The following ITFG1 variants were observed in gnomAD, a reference collection of about 807,000 sequenced individuals.
ITFG1 encodes the protein integrin alpha FG-GAP repeat containing 1, also known as T-cell immunomodulatory protein.
ITFG1 carries 34 observed loss-of-function variants against 81.8 expected under a neutral mutation model. The observed-to-expected ratio is 0.42, with a 90% CI of 0.32 to 0.55. ITFG1 has a LOEUF of 0.55. ITFG1 is among the 20% of genes least tolerant of loss of function. The probability of loss-of-function intolerance (pLI) is 0.17; values close to 1 mark genes in which losing one functional copy is unlikely to be tolerated. For synonymous variants in ITFG1, 285 were observed against 270.6 expected (o/e 1.05, Z -0.52); for missense variants, 672 against 755.4 (o/e 0.89, Z 1.29).
chr16:47,375,720 TCAGTA>T (rs1286363819), intron 7 of ITFG1, among the ~76,000 whole-genome samples, 151 bp downstream of exon 7: 1 of 152,244 alleles, frequency 6.6e-6, no homozygotes, highest in East Asian at 1.9e-4. Context: ...TCAGAAATAT[TCAGTA>T]GTTTGAATGC....
At chr16:47,435,994 C>A (rs763778138) in intron 5 of ITFG1, among the ~76,000 whole-genome samples, 6 of 151,998 alleles carry the variant, frequency 3.9e-5, no homozygotes, top group Admixed American at 6.6e-5. Flanking sequence ...CCCCCATCAT[C>A]CACAAAAGAA....
intron 13 of ITFG1, 146 bp from the exon 14 acceptor site, chr16:47,219,092 C>T (rs1427235979): frequency 2.4e-6 from 1 of 424,846 alleles, no homozygotes; most frequent in African/African-American, 2.0e-5. Context: ...CAAAAGAAAA[C>T]CTGTTGTTTC....
Position 47,311,170 on chromosome 16 carries a change from A to G in ITFG1, c.1070+70T>C, listed in dbSNP as rs1428938993. On this transcript the variant is annotated intron_variant, in intron 10 of 17. Transcript: ENST00000320640. ...ACATATTTAGGTACTATTCAGTTGC[A>G]AAGTACCATGGTTTGCAAATATTTC... 2.6e-6 allele frequency: 3 copies of G among 1,134,716 alleles called. No homozygotes were observed. In the African/African-American group the frequency reaches 4.7e-5, roughly 18 times the overall value. The allele number at this position is 1,134,716 out of a possible 1,614,324, so 70.3% of individuals were successfully genotyped here.
chr16:47,184,647 A>G (rs1467661906), intron 14 of ITFG1, among the ~76,000 whole-genome samples: 4 of 152,164 alleles, frequency 2.6e-5, no homozygotes, highest in Non-Finnish European at 5.9e-5. Context: ...ATGGAAAGGA[A>G]CAACTGGTAC....
At chr16:47,446,266 G>C (rs1469785342) in intron 5 of ITFG1, among the ~76,000 whole-genome samples, 1 of 152,168 alleles carries the variant, frequency 6.6e-6, no homozygotes, top group Non-Finnish European at 1.5e-5. Flanking sequence ...AGCATCACTA[G>C]AGAACAAAGT....
At chr16:47,345,682 T>G (rs978082339) in intron 8 of ITFG1, among the ~76,000 whole-genome samples, 1 of 152,240 alleles carries the variant, frequency 6.6e-6, no homozygotes, top group Admixed American at 6.5e-5. Context: ...GCCCACGGGC[T>G]GCAGGTTGGA....
intron 8 of ITFG1, among the ~76,000 whole-genome samples, chr16:47,352,694 C>T (rs1033708411): frequency 6.6e-6 from 1 of 152,110 alleles, no homozygotes; most frequent in Non-Finnish European, 1.5e-5. Context: ...TTGACCCAGC[C>T]GTCCCATTAC....
intron 8 of ITFG1, among the ~76,000 whole-genome samples, chr16:47,347,914 G>A (rs1173490695): frequency 6.6e-6 from 1 of 152,226 alleles, no homozygotes; most frequent in African/African-American, 2.4e-5. Flanking sequence ...AACATTCACT[G>A]TTCTGCAGCC....
intron 2 of ITFG1, among the ~76,000 whole-genome samples, chr16:47,456,281 C>T (rs912193292): frequency 4.6e-5 from 7 of 152,218 alleles, no homozygotes; most frequent in Admixed American, 3.9e-4. Flanking sequence ...GAAGAGACTC[C>T]AATAGCTTCC....
At chr16:47,418,575 G>A (rs1304810589) in intron 6 of ITFG1, among the ~76,000 whole-genome samples, 4 of 151,978 alleles carry the variant, frequency 2.6e-5, no homozygotes, top group Non-Finnish European at 5.9e-5. Context: ...ATGGTGGGGG[G>A]ACTAATTTCA....
At chr16:47,244,554 CTCTTA>C (rs1483655430) in intron 12 of ITFG1, among the ~76,000 whole-genome samples, 1 of 149,450 alleles carries the variant, frequency 6.7e-6, no homozygotes, top group Non-Finnish European at 1.5e-5. Flanking sequence ...TTTGTCCTGT[CTCTTA>C]TGTTATGCAT....
intron 10 of ITFG1, among the ~76,000 whole-genome samples, chr16:47,302,512 C>A (rs1415760649): frequency 6.6e-6 from 1 of 152,168 alleles, no homozygotes; most frequent in Non-Finnish European, 1.5e-5. Context: ...CCTGGGCTCC[C>A]ACTTTGGCCG....
intron 12 of ITFG1, among the ~76,000 whole-genome samples, chr16:47,249,595 G>A (rs1199797540): frequency 6.6e-6 from 1 of 152,090 alleles, no homozygotes; most frequent in Non-Finnish European, 1.5e-5. Context: ...ATAAAAAGCA[G>A]TAATTAAAAC....
At chr16:47,230,724 T>C (rs1449359930) in intron 13 of ITFG1, among the ~76,000 whole-genome samples, 1 of 152,194 alleles carries the variant, frequency 6.6e-6, no homozygotes, top group Non-Finnish European at 1.5e-5. Flanking sequence ...TTATGTTTAG[T>C]GCTGCAGAGG....
chr16:47,226,101 A>C (rs574941816), intron 13 of ITFG1, among the ~76,000 whole-genome samples: 10 of 152,372 alleles, frequency 6.6e-5, no homozygotes, highest in African/African-American at 2.2e-4. Flanking sequence ...GAGATATGTT[A>C]GAGCAAAGTT....
chr16:47,240,014 A>G (rs1965915464), intron 12 of ITFG1, among the ~76,000 whole-genome samples: 1 of 152,016 alleles, frequency 6.6e-6, no homozygotes, highest in Non-Finnish European at 1.5e-5. Flanking sequence ...TATTCAGGCT[A>G]GGCACAGTGG....
intron 6 of ITFG1, among the ~76,000 whole-genome samples, chr16:47,391,886 C>A (rs570219113): frequency 2.0e-5 from 3 of 152,264 alleles, no homozygotes; most frequent in East Asian, 1.9e-4. Context: ...GACATATACA[C>A]CTATCCCTTC....
chr16:47,404,789 C>T (rs989655404), intron 6 of ITFG1, among the ~76,000 whole-genome samples: 7 of 151,956 alleles, frequency 4.6e-5, no homozygotes, highest in Non-Finnish European at 8.8e-5. Flanking sequence ...TAATTTTGTT[C>T]ACTTGTAATC....
chr16:47,424,879 G>GCTA (rs1294285018), intron 6 of ITFG1, among the ~76,000 whole-genome samples: 3 of 152,132 alleles, frequency 2.0e-5, no homozygotes, highest in African/African-American at 7.2e-5. Context: ...TCCTAGTCAG[G>GCTA]CTACATTGGG....
Sources: allele counts gnomAD v4.1 joint callset (sites outside exome capture counted in the v4.1 genomes callset), GRCh38; gene constraint gnomAD v4.1.1; transcripts MANE v1.5; gene names NCBI Gene and HGNC (gene_info 2026-07-23, HGNC 2026-07-21).